The following FRMD4A variants were observed in gnomAD, a reference collection of about 807,000 sequenced individuals.
The protein encoded by FRMD4A is FERM domain-containing protein 4A.
A neutral mutation model predicts 129.1 loss-of-function variants in FRMD4A; 29 were observed. The observed-to-expected ratio is 0.22, with a 90% CI of 0.17 to 0.31. The LOEUF (loss-of-function observed/expected upper bound fraction) is 0.31, where lower values mean the gene tolerates loss of function less well. Ranked by LOEUF, FRMD4A falls within the 10% of genes least tolerant of loss-of-function variation. The pLI is 1.00. For synonymous variants in FRMD4A, 634 were observed against 571.6 expected (o/e 1.11, Z -1.56); for missense variants, 1,272 against 1,375.8 (o/e 0.92, Z 1.19).
chr10:13,884,477 C>A (rs2094595451), intron 2 of FRMD4A, among the ~76,000 whole-genome samples: 1 of 152,076 alleles, frequency 6.6e-6, no homozygotes, highest in Non-Finnish European at 1.5e-5. Context: ...ATTCTTACAT[C>A]TTTTCTAGAA....
chr10:14,210,920 T>C (rs1245730525), intron 2 of FRMD4A, among the ~76,000 whole-genome samples: 1 of 152,046 alleles, frequency 6.6e-6, no homozygotes, highest in African/African-American at 2.4e-5. Context: ...GTAGAGATGG[T>C]GTTTCACCGT....
intron 2 of FRMD4A, among the ~76,000 whole-genome samples, chr10:13,978,669 C>A (rs1159936102): frequency 6.6e-6 from 1 of 152,132 alleles, no homozygotes; most frequent in Non-Finnish European, 1.5e-5. Context: ...CCAGCTCCAA[C>A]CAAGAGTCAT....
chr10:14,240,856 A>G (rs2132004108), intron 2 of FRMD4A, among the ~76,000 whole-genome samples: 1 of 152,236 alleles, frequency 6.6e-6, no homozygotes, highest in South Asian at 2.1e-4. Flanking sequence ...GTAAGAACAG[A>G]AGGAAAAAAG....
chr10:14,133,465 A>C (rs1045779444), intron 2 of FRMD4A, among the ~76,000 whole-genome samples: 1 of 152,158 alleles, frequency 6.6e-6, no homozygotes, highest in African/African-American at 2.4e-5. Context: ...CCCTCTCTAG[A>C]TGCTTGGGCA....
chr10:14,142,787 T>C (rs575723696), intron 2 of FRMD4A, among the ~76,000 whole-genome samples: 315 of 152,336 alleles, frequency 2.1e-3, no homozygotes, highest in South Asian at 0.012. Context: ...TTTGGCTGCC[T>C]ACATTTGTTC....
chr10:13,738,027 G>T (rs1247530080), intron 11 of FRMD4A, 97 bp from the exon 12 acceptor site: 11 of 726,350 alleles, frequency 1.5e-5, no homozygotes, highest in African/African-American at 8.7e-5. Context: ...CGAGGGAAAG[G>T]GCCATTTCCT....
At chr10:14,000,359 C>T (rs1354535777) in intron 2 of FRMD4A, among the ~76,000 whole-genome samples, 3 of 151,918 alleles carry the variant, frequency 2.0e-5, no homozygotes, top group African/African-American at 7.2e-5. Context: ...AAAGCCATTT[C>T]CCCCGGGGCA....
chr10:13,656,916 G>C lies in FRMD4A; in HGVS notation c.2673C>G (p.Gly891=). 6.7e-7 allele frequency: 1 copy of C among 1,492,346 alleles called. No homozygotes were observed. The highest frequency in any genetic ancestry group is 8.9e-7 in the Non-Finnish European group (1 of 1,126,978). 92.4% of individuals were successfully genotyped at this position (1,492,346 alleles called of 1,614,324 possible). Residue 891 remains glycine (G), a synonymous_variant, in exon 22 of 25, where the codon GGC becomes GGG. Coordinates refer to ENST00000357447, the MANE Select transcript of FRMD4A (RefSeq NM_018027.5). ...GCGACGGCGTCAGGCGGCCCGTGTC[G>C]CCCTCGTCGCCGCCGCCGCCGCGCC... is the stretch of plus-strand genomic sequence containing the variant. ...ESWRGGGGDE[G]DTGRLTPSRS...
At chr10:14,172,078 T>C (rs1230458704) in intron 2 of FRMD4A, among the ~76,000 whole-genome samples, 1 of 152,240 alleles carries the variant, frequency 6.6e-6, no homozygotes, top group East Asian at 1.9e-4. Context: ...TCTTGTTCCC[T>C]CAGTCATGAT....
intron 2 of FRMD4A, among the ~76,000 whole-genome samples, chr10:14,201,182 C>G (rs2131939765): frequency 6.6e-6 from 1 of 152,330 alleles, no homozygotes; most frequent in Non-Finnish European, 1.5e-5. Context: ...CGGGGATCTT[C>G]CTCCAAGCTT....
intron 4 of FRMD4A, among the ~76,000 whole-genome samples, chr10:13,802,813 G>A (rs932945164): frequency 1.3e-5 from 2 of 152,058 alleles, no homozygotes; most frequent in African/African-American, 4.8e-5. Context: ...GGATGGAGGG[G>A]AGGAGAGGAG....
intron 2 of FRMD4A, among the ~76,000 whole-genome samples, chr10:13,889,112 T>C (rs899967310): frequency 6.6e-6 from 1 of 152,236 alleles, no homozygotes; most frequent in Non-Finnish European, 1.5e-5. Flanking sequence ...AAGTGGTATA[T>C]TCATGCAGTA....
Position 14,255,630 on chromosome 10 carries a change from G to A in FRMD4A, c.45+74428C>T, listed in dbSNP as rs75222305. On this transcript the variant is annotated intron_variant, in intron 2 of 24. Coordinates refer to ENST00000357447, the MANE Select transcript of FRMD4A (RefSeq NM_018027.5). Reference sequence around the variant, plus strand: ...TGGCGGAAGACATAAACCTGCCCTCGAACTGCAGCTGTGAAAAAGAGATTA... The same window carrying A: ...TGGCGGAAGACATAAACCTGCCCTCAAACTGCAGCTGTGAAAAAGAGATTA... 0.011 allele frequency among the ~76,000 whole-genome samples: 1,691 copies of A among 152,158 alleles called. 118 individuals carry two copies. The East Asian group carries it at 0.2, about 18-fold the overall frequency.
chr10:13,947,902 A>T (rs1347453835), intron 2 of FRMD4A, among the ~76,000 whole-genome samples: 1 of 152,216 alleles, frequency 6.6e-6, no homozygotes, highest in African/African-American at 2.4e-5. Context: ...GCAAAAAAAT[A>T]AAACAAACTT....
chr10:13,841,994 C>T (rs1192755761), intron 3 of FRMD4A, among the ~76,000 whole-genome samples: 1 of 152,170 alleles, frequency 6.6e-6, no homozygotes, highest in Non-Finnish European at 1.5e-5. Context: ...CGCGATATTA[C>T]AACTATCCTT....
Position 13,872,121 on chromosome 10 carries a change from G to A in FRMD4A, c.46-13209C>T, listed in dbSNP as rs544830326. Among the ~76,000 whole-genome samples the A allele has an allele frequency of 2.6e-5, 4 of 152,314 alleles. No individual in the cohort carries two copies. In the East Asian group the frequency reaches 7.7e-4, roughly 29 times the overall value. On this transcript the variant is annotated intron_variant, in intron 2 of 24. Transcript: ENST00000357447. ...GCTGAATGCTGAACCACTGACTGCC[G>A]CCTACACACAGTGGAGTCAGGCCCT...
intron 2 of FRMD4A, among the ~76,000 whole-genome samples, chr10:14,041,794 G>C (rs1250180799): frequency 6.6e-6 from 1 of 152,200 alleles, no homozygotes. Context: ...GTATTTTTGA[G>C]TAAAAGAAGC....
At chr10:13,761,605 G>A (rs767186027) in intron 8 of FRMD4A, 42 bp downstream of exon 8, 15 of 1,464,608 alleles carry the variant, frequency 1.0e-5, no homozygotes, top group Non-Finnish European at 1.4e-5. Flanking sequence ...AGAAGCAAGG[G>A]CTTACATTTT....
intron 2 of FRMD4A, among the ~76,000 whole-genome samples, chr10:14,216,466 T>G (rs192294146): frequency 1.3e-5 from 2 of 151,980 alleles, no homozygotes; most frequent in Admixed American, 1.3e-4. Context: ...AGCTCAGGAG[T>G]TCAAGACCAG....
Sources: allele counts gnomAD v4.1 joint callset (sites outside exome capture counted in the v4.1 genomes callset), GRCh38; gene constraint gnomAD v4.1.1; transcripts MANE v1.5; gene names NCBI Gene and HGNC (gene_info 2026-07-23, HGNC 2026-07-21).